EPHB1: variants seen among roughly 807,000 people sequenced by gnomAD.
EPHB1 encodes EPH receptor B1, also known as ephrin type-B receptor 1.
Under a neutral mutation model 94.4 loss-of-function variants are expected in EPHB1, and 30 were observed. That is an observed-to-expected ratio of 0.32 (90% CI 0.24 to 0.43). EPHB1 has a LOEUF of 0.43. Among genes scored for constraint, EPHB1 ranks in the 20% least tolerant of loss-of-function variants. EPHB1 has a pLI of 1.00. For missense variants in EPHB1, 1,055 were observed against 1,308.3 expected (o/e 0.81, Z 2.99); for synonymous variants, 522 against 489.1 (o/e 1.07, Z -0.89).
At chr3:134,970,820 G>T (rs1461102170) in intron 3 of EPHB1, among the ~76,000 whole-genome samples, 1 of 152,174 alleles carries the variant, frequency 6.6e-6, no homozygotes, top group Non-Finnish European at 1.5e-5. Context: ...CACAGTTAAT[G>T]CTCCGAAGCT....
At chr3:134,949,205 C>T (rs757700005) in intron 2 of EPHB1, among the ~76,000 whole-genome samples, 86 of 152,242 alleles carry the variant, frequency 5.6e-4, no homozygotes, top group Non-Finnish European at 1.1e-3. Context: ...CTGGCAGGAG[C>T]TGATCTGTTG....
At chr3:135,149,586 T>C (rs934271503) in intron 5 of EPHB1, among the ~76,000 whole-genome samples, 1 of 152,218 alleles carries the variant, frequency 6.6e-6, no homozygotes, top group African/African-American at 2.4e-5. Context: ...CATTTGCCCT[T>C]GGAGAGGGAA....
Position 135,068,484 on chromosome 3 carries a change from C to T in EPHB1, c.806-37964C>T, listed in dbSNP as rs915520140. ...GGGATTATCTGTTCTATTTCTTTACCCATTTTTAAATTGGTTTGTTTTTTT... is the reference window on the plus strand; with the variant it reads ...GGGATTATCTGTTCTATTTCTTTACTCATTTTTAAATTGGTTTGTTTTTTT... On this transcript the variant is annotated intron_variant, in intron 3 of 15. Coordinates refer to ENST00000398015, the MANE Select transcript of EPHB1 (RefSeq NM_004441.5). Among the ~76,000 whole-genome samples, 22 of 151,788 alleles carry T rather than the reference C, an allele frequency of 1.4e-4. 1 individual carries two copies. Among genetic ancestry groups the T allele is most frequent in the African/African-American group, 5.3e-4 (22 of 41,390 alleles).
At chr3:135,132,225 G>A (rs896751607) in intron 4 of EPHB1, among the ~76,000 whole-genome samples, 3 of 152,096 alleles carry the variant, frequency 2.0e-5, no homozygotes, top group Non-Finnish European at 4.4e-5. Flanking sequence ...CTGCTACCAC[G>A]CACACACCAG....
chr3:134,827,868 A>G (rs1044551052), intron 1 of EPHB1, among the ~76,000 whole-genome samples: 1 of 152,126 alleles, frequency 6.6e-6, no homozygotes, highest in Admixed American at 6.5e-5. Context: ...TTTCATTCAC[A>G]TCCCTTGCAT....
At chr3:135,203,781 T>G (rs554688405) in intron 12 of EPHB1, among the ~76,000 whole-genome samples, 2 of 152,312 alleles carry the variant, frequency 1.3e-5, no homozygotes, top group East Asian at 3.9e-4. Context: ...TTATGCCTAT[T>G]CCTCTGTGAT....
At chr3:134,871,154 A>T (rs1161752617) in intron 1 of EPHB1, among the ~76,000 whole-genome samples, 1 of 152,256 alleles carries the variant, frequency 6.6e-6, no homozygotes, top group Non-Finnish European at 1.5e-5. Flanking sequence ...ACAATATTGG[A>T]TAATGACCTT....
chr3:134,946,551 A>G (rs2039221060), intron 2 of EPHB1, among the ~76,000 whole-genome samples: 2 of 152,030 alleles, frequency 1.3e-5, no homozygotes, highest in African/African-American at 4.8e-5. Flanking sequence ...CTCAGCTTGG[A>G]GGGTGATATT....
chr3:135,006,530 C>A (rs950880950), intron 3 of EPHB1, among the ~76,000 whole-genome samples: 1 of 152,180 alleles, frequency 6.6e-6, no homozygotes, highest in Admixed American at 6.5e-5. Context: ...AAATGTTTTG[C>A]CAAAGCCTAA....
intron 12 of EPHB1, among the ~76,000 whole-genome samples, chr3:135,218,565 G>T (rs976839161): frequency 2.0e-5 from 3 of 152,218 alleles, no homozygotes; most frequent in African/African-American, 7.2e-5. Context: ...GGCCCCACAG[G>T]GGTGTGATAT....
chr3:134,967,830 A>C (rs528843695), intron 3 of EPHB1, among the ~76,000 whole-genome samples: 88 of 152,348 alleles, frequency 5.8e-4, no homozygotes, highest in Admixed American at 1.8e-3. Context: ...ATGGATGCAC[A>C]TGAGAAGAAT....
chr3:134,846,963 T>TCGGTGG (rs1317198795), intron 1 of EPHB1, among the ~76,000 whole-genome samples: 1 of 152,188 alleles, frequency 6.6e-6, no homozygotes, highest in Non-Finnish European at 1.5e-5. Flanking sequence ...TTCATTTCCT[T>TCGGTGG]CGGTGGCGGG....
intron 10 of EPHB1, among the ~76,000 whole-genome samples, chr3:135,186,585 C>T (rs1234937878): frequency 6.6e-6 from 1 of 152,174 alleles, no homozygotes; most frequent in Non-Finnish European, 1.5e-5. Flanking sequence ...CTTCAAAATG[C>T]TGCTTTTTTA....
At chr3:135,256,699 A>T (rs1391471523) in intron 15 of EPHB1, among the ~76,000 whole-genome samples, 2 of 151,948 alleles carry the variant, frequency 1.3e-5, no homozygotes, top group African/African-American at 2.4e-5. Flanking sequence ...TATGTCTTGG[A>T]GTTGCTCTTC....
intron 1 of EPHB1, among the ~76,000 whole-genome samples, chr3:134,806,062 A>C (rs1424539752): frequency 6.6e-6 from 1 of 152,186 alleles, no homozygotes; most frequent in Non-Finnish European, 1.5e-5. Flanking sequence ...AAATAACAAG[A>C]AGGAAAAGAT....
intron 3 of EPHB1, among the ~76,000 whole-genome samples, chr3:135,098,248 T>C (rs1938881113): frequency 6.6e-6 from 1 of 152,228 alleles, no homozygotes. Context: ...GTCATGTATA[T>C]GTAATACAAA....
At chr3:135,251,544 A>G (rs919493649) in intron 15 of EPHB1, among the ~76,000 whole-genome samples, 1 of 152,274 alleles carries the variant, frequency 6.6e-6, no homozygotes, top group African/African-American at 2.4e-5. Context: ...ATGTCCACAC[A>G]CTATTAGAGC....
chr3:134,842,418 A>C (rs2036794298), intron 1 of EPHB1, among the ~76,000 whole-genome samples: 1 of 152,332 alleles, frequency 6.6e-6, no homozygotes, highest in East Asian at 1.9e-4. Flanking sequence ...TGCTAATGCC[A>C]TCAGAGCCCT....
intron 6 of EPHB1, among the ~76,000 whole-genome samples, chr3:135,159,026 T>C (rs1182011279): frequency 6.6e-6 from 1 of 152,194 alleles, no homozygotes; most frequent in Non-Finnish European, 1.5e-5. Flanking sequence ...TATTTATTCA[T>C]TTGGCATTGA....
Sources: gnomAD v4.1 joint callset for allele counts (sites outside exome capture counted in the v4.1 genomes callset) on GRCh38, gnomAD v4.1.1 for gene constraint, MANE v1.5 for transcripts, NCBI Gene and HGNC (gene_info 2026-07-23, HGNC 2026-07-21) for gene names.